TAF6L: variants seen among roughly 807,000 people sequenced by gnomAD.
The protein encoded by TAF6L is TAF6-like RNA polymerase II p300/CBP-associated factor-associated factor 65 kDa subunit 6L.
A neutral mutation model predicts 57.3 loss-of-function variants in TAF6L; 34 were observed. The observed-to-expected ratio is 0.59, with a 90% CI of 0.45 to 0.79. TAF6L has a LOEUF of 0.79. TAF6L is among the 30% of genes least tolerant of loss of function. TAF6L has a pLI of 0.00. For missense variants in TAF6L, 782 were observed against 853.2 expected (o/e 0.92, Z 1.04); for synonymous variants, 417 against 376.3 (o/e 1.11, Z -1.25).
At position 62,771,426 on chromosome 11, in the gene TAF6L, C is replaced by T. The variant is rs1312784793; in HGVS notation, c.-78C>T. ...GAATGAGTGTGAGCTCGTGAGTGGG[C>T]GCCGCCGCCACCGCCCCCGCCGCCG... is the stretch of plus-strand genomic sequence containing the variant. On this transcript the variant is annotated 5_prime_UTR_variant, in exon 1 of 11. Transcript: ENST00000294168. The T allele has an allele frequency of 1.3e-5, 2 of 156,864 alleles. No homozygotes were observed. Among genetic ancestry groups the T allele is most frequent in the Non-Finnish European group, 2.8e-5 (2 of 71,284 alleles). 9.7% of individuals were successfully genotyped at this position (156,864 alleles called of 1,614,324 possible).
chr11:62,776,233 T>C, intron 2 of TAF6L, 151 bp from the exon 3 acceptor site: 1 of 790,322 alleles, frequency 1.3e-6, no homozygotes, highest in South Asian at 1.7e-5. Flanking sequence ...GGGGGGTGTT[T>C]TTGTACAGGA....
intron 9 of TAF6L, among the ~76,000 whole-genome samples, chr11:62,784,579 T>A (rs2084256744): frequency 6.6e-6 from 1 of 152,320 alleles, no homozygotes; most frequent in Admixed American, 6.5e-5. Context: ...GTGTTGGGAT[T>A]ACAGGTGTGA....
intron 3 of TAF6L, 24 bp downstream of exon 3, chr11:62,776,494 G>A (rs1209646015): frequency 6.2e-7 from 1 of 1,610,732 alleles, no homozygotes; most frequent in East Asian, 2.2e-5. Flanking sequence ...AGGCTACAGA[G>A]GGCTCAGGTG....
chr11:62,780,936 C>CAAAAAAAAAA (rs1302371766), intron 6 of TAF6L, among the ~76,000 whole-genome samples: 59 of 52,316 alleles, frequency 1.1e-3, no homozygotes, highest in Middle Eastern at 0.015. Context: ...GACTCCATCT[C>CAAAAAAAAAA]AAAAAAAAAA....
In TAF6L at chr11:62,778,272, G is replaced by A; in HGVS notation, c.386-13G>A. The A allele has an allele frequency of 6.2e-7, 1 of 1,614,214 alleles. No individual in the cohort carries two copies. Among genetic ancestry groups the A allele is most frequent in the Admixed American group, 1.7e-5 (1 of 60,020 alleles). On this transcript the variant is annotated splice_polypyrimidine_tract_variant and intron_variant, in intron 4 of 10. Transcript: ENST00000294168. ...AAACGCCAGGCTGACACATCTCTCT[G>A]CACTGCTTCTAGTTCATGTCTCCTA...
In TAF6L at chr11:62,782,294, T is replaced by C. The variant is rs746452629; in HGVS notation, c.788T>C (p.Leu263Pro). Residue 263 changes from leucine to proline, a missense_variant, in exon 8 of 11, where the codon CTG becomes CCG. Transcript: ENST00000294168. ...AACCCCCTGAATGACCACTGGACTC[T>C]GCGGGATGGGGCTGCCCTCCTGCTC... ...SINPLNDHWT[L>P]RDGAALLLSH... is the part of the protein sequence containing the mutation. The C allele has an allele frequency of 3.0e-5, 49 of 1,614,046 alleles. No homozygotes were observed. Among genetic ancestry groups the C allele is most frequent in the Non-Finnish European group, 4.1e-5 (48 of 1,180,046 alleles).
intron 6 of TAF6L, among the ~76,000 whole-genome samples, chr11:62,781,134 G>A: frequency 6.6e-6 from 1 of 151,458 alleles, no homozygotes; most frequent in Non-Finnish European, 1.5e-5. Flanking sequence ...TACTTGGGAG[G>A]CTGAGGCAGA....
chr11:62,774,031 A>G (rs550696468), intron 1 of TAF6L, among the ~76,000 whole-genome samples: 85 of 152,216 alleles, frequency 5.6e-4, no homozygotes, highest in Middle Eastern at 3.4e-3. Flanking sequence ...TTGCAGAAGT[A>G]GGCAGTACAT....
intron 9 of TAF6L, 134 bp from the exon 10 acceptor site, chr11:62,786,126 T>C (rs1590939234): frequency 9.0e-7 from 1 of 1,113,966 alleles, no homozygotes; most frequent in East Asian, 2.4e-5. Context: ...TGGTTGAATA[T>C]GCCAATCAGG....
At chr11:62,777,303 G>T (rs1353983532) in intron 3 of TAF6L, among the ~76,000 whole-genome samples, 1 of 152,084 alleles carries the variant, frequency 6.6e-6, no homozygotes, top group Non-Finnish European at 1.5e-5. Context: ...TTCCAGCCTG[G>T]GCGAAAGAGC....
At position 62,786,951 on chromosome 11, in the gene TAF6L, C is replaced by T. The variant is rs1219373706; in HGVS notation, c.1524C>T (p.Gly508=). The T allele has an allele frequency of 4.1e-6, 6 of 1,452,084 alleles. No individual in the cohort carries two copies. Among genetic ancestry groups the T allele is most frequent in the Non-Finnish European group, 5.4e-6 (6 of 1,112,436 alleles). The allele number at this position is 1,452,084 out of a possible 1,614,324, so 89.9% of individuals were successfully genotyped here. Residue 508 remains glycine (G), a synonymous_variant, in exon 11 of 11, where the codon GGC becomes GGT. Coordinates refer to ENST00000294168, the MANE Select transcript of TAF6L (RefSeq NM_006473.4). ...AGAGCCCCCGGGGCAGCGGCGGAGG[C>T]GGCCCCGCGTCGGCCTCTGGGCCCG... The part of the protein sequence containing the change: ...GDESPRGSGG[G]GPASASGPAA...
intron 6 of TAF6L, among the ~76,000 whole-genome samples, chr11:62,779,976 AT>A (rs1277954265): frequency 0.14 from 7,198 of 52,578 alleles, 619 homozygotes; most frequent in South Asian, 0.36. Context: ...ATATATATAT[AT>A]TTTTTTTTTT....
chr11:62,780,292 C>T (rs778723409), intron 6 of TAF6L, among the ~76,000 whole-genome samples: 60 of 150,776 alleles, frequency 4.0e-4, no homozygotes, highest in Non-Finnish European at 6.8e-4. Context: ...AGGTGGATCA[C>T]CTGAGGTCAG....
intron 8 of TAF6L, 179 bp downstream of exon 8, chr11:62,782,512 A>G: frequency 9.5e-7 from 1 of 1,054,406 alleles, no homozygotes; most frequent in East Asian, 2.5e-5. Flanking sequence ...GATTACAAAT[A>G]CGCCAAGGTA....
chr11:62,786,662 A>C lies in TAF6L; in HGVS notation c.1235A>C (p.Glu412Ala), dbSNP rs1335874214. ...GAGTCGTCCTCCGGGGGCGGTGCAG[A>C]ACCCAGCTTTGGGTCCGGCCTCCCG... ...FQESSSGGGA[E>A]PSFGSGLPLP... The change falls in exon 11 of 11, where the codon GAA (glutamate) becomes GCA (alanine). Residue 412 changes from glutamate (E) to alanine (A), a missense_variant. Transcript: ENST00000294168. 6 of 1,611,338 alleles carry C rather than the reference A, an allele frequency of 3.7e-6. No individual in the cohort carries two copies. The highest frequency in any genetic ancestry group is 5.1e-6 in the Non-Finnish European group (6 of 1,178,944).
At chr11:62,778,231 G>A (rs1011356577) in intron 4 of TAF6L, 54 bp from the exon 5 acceptor site, 131 of 1,613,576 alleles carry the variant, frequency 8.1e-5, no homozygotes, top group Middle Eastern at 4.9e-4. Context: ...AGGGGTAGGC[G>A]GTACTCTAAG....
At chr11:62,775,655 C>T (rs1407024432) in intron 1 of TAF6L, 116 bp from the exon 2 acceptor site, 4 of 1,201,264 alleles carry the variant, frequency 3.3e-6, no homozygotes, top group Non-Finnish European at 4.6e-6. Flanking sequence ...CTCAGAGCTC[C>T]TTGTTTAGAA....
At chr11:62,782,069 C>G (rs190224657) in intron 7 of TAF6L, 44 bp from the exon 8 acceptor site, 1 of 1,589,320 alleles carries the variant, frequency 6.3e-7, no homozygotes, top group East Asian at 2.2e-5. Context: ...TGGGCTCCTG[C>G]CTGTCCCCTC....
intron 9 of TAF6L, among the ~76,000 whole-genome samples, chr11:62,783,593 G>A (rs2134720111): frequency 6.7e-6 from 1 of 149,674 alleles, no homozygotes; most frequent in African/African-American, 2.5e-5. Flanking sequence ...AGAGTACAGT[G>A]GCATGATCTC....
Sources: gnomAD v4.1 joint callset for allele counts (sites outside exome capture counted in the v4.1 genomes callset) on GRCh38, gnomAD v4.1.1 for gene constraint, MANE v1.5 for transcripts, NCBI Gene and HGNC (gene_info 2026-07-23, HGNC 2026-07-21) for gene names.